Variants in MIPOL1 observed in about 807,000 individuals in gnomAD.
The protein encoded by MIPOL1 is mirror-image polydactyly gene 1 protein.
Under a neutral mutation model 60.9 loss-of-function variants are expected in MIPOL1, and 57 were observed. The ratio of observed to expected loss-of-function variants is 0.94; its 90% CI spans 0.76 to 1.17. MIPOL1 has a LOEUF of 1.17. MIPOL1 is among the 50% of genes most tolerant of loss of function. The pLI is 0.00. For missense variants in MIPOL1, 551 were observed against 511.6 expected (o/e 1.08, Z -0.74); for synonymous variants, 179 against 168.8 (o/e 1.06, Z -0.47).
chr14:37,545,938 T>C (rs1367365307), intron 12 of MIPOL1: 1 of 298,612 alleles, frequency 3.3e-6, no homozygotes, highest in African/African-American at 2.1e-5. Flanking sequence ...ATTGTGTATA[T>C]GAAAACTGCT....
At chr14:37,220,477 T>C (rs1968561270) in intron 1 of MIPOL1, among the ~76,000 whole-genome samples, 2 of 152,220 alleles carry the variant, frequency 1.3e-5, no homozygotes, top group African/African-American at 2.4e-5. Flanking sequence ...GTCAAACAGC[T>C]TATTGCCAGC....
At chr14:37,256,700 T>A (rs1031561476) in intron 3 of MIPOL1, among the ~76,000 whole-genome samples, 9 of 151,760 alleles carry the variant, frequency 5.9e-5, no homozygotes, top group African/African-American at 2.2e-4. Context: ...ACAAAAAATT[T>A]TTTTCGTTAA....
chr14:37,512,706 A>G (rs901081841), intron 12 of MIPOL1, among the ~76,000 whole-genome samples: 1 of 152,028 alleles, frequency 6.6e-6, no homozygotes, highest in Non-Finnish European at 1.5e-5. Context: ...GTTGGACTGT[A>G]AGTGTCAAGG....
chr14:37,552,305 AATT>A (rs1214182777), downstream of MIPOL1: 2 of 152,200 alleles, frequency 1.3e-5, no homozygotes, highest in African/African-American at 4.8e-5. Context: ...TTAAAAAGTC[AATT>A]ATGTTTAAGA....
At chr14:37,245,981 G>C (rs1314901729) in intron 1 of MIPOL1, among the ~76,000 whole-genome samples, 1 of 152,074 alleles carries the variant, frequency 6.6e-6, no homozygotes, top group African/African-American at 2.4e-5. Context: ...GCATTTTTGT[G>C]TAGTACTTGT....
At chr14:37,358,558 G>A (rs143445116) in intron 9 of MIPOL1, among the ~76,000 whole-genome samples, 93 of 152,244 alleles carry the variant, frequency 6.1e-4, no homozygotes, top group African/African-American at 2.2e-3. Context: ...ATCTCATTGT[G>A]GTTTTGATTT....
chr14:37,271,185 TA>T lies in MIPOL1; in HGVS notation c.493+661del, dbSNP rs2083277384. ...ATAGATACAATGAAATGATTCACAATAGTCTATGATCTCCATCTGTGTATGC... is the reference window on the plus strand; with the variant it reads ...ATAGATACAATGAAATGATTCACAATGTCTATGATCTCCATCTGTGTATGC... On this transcript the variant is annotated intron_variant, in intron 6 of 12. Coordinates refer to ENST00000684589, the MANE Select transcript of MIPOL1 (RefSeq NM_001388067.1). Among the ~76,000 whole-genome samples, 6 of 152,198 alleles carry T rather than the reference TA, an allele frequency of 3.9e-5. No individual in the cohort carries two copies. In the East Asian group the frequency reaches 1.2e-3, roughly 29 times the overall value.
chr14:37,520,784 C>T (rs1399608728), intron 12 of MIPOL1, among the ~76,000 whole-genome samples: 1 of 151,812 alleles, frequency 6.6e-6, no homozygotes, highest in Non-Finnish European at 1.5e-5. Flanking sequence ...TAAGAAAAAT[C>T]ACAATTTGTT....
chr14:37,408,696 G>A (rs781207743), intron 10 of MIPOL1, among the ~76,000 whole-genome samples: 8 of 152,136 alleles, frequency 5.3e-5, no homozygotes, highest in Non-Finnish European at 1.0e-4. Context: ...TCTACCAAAT[G>A]TGAGAATTAT....
chr14:37,418,477 A>C (rs533869654), intron 10 of MIPOL1, among the ~76,000 whole-genome samples: 14 of 152,186 alleles, frequency 9.2e-5, no homozygotes, highest in Middle Eastern at 3.4e-3. Flanking sequence ...AATAAAATAC[A>C]CTCTGATTAT....
chr14:37,486,166 C>A (rs1203903248), intron 11 of MIPOL1, among the ~76,000 whole-genome samples: 1 of 151,434 alleles, frequency 6.6e-6, no homozygotes, highest in East Asian at 1.9e-4. Flanking sequence ...ATTTCTGAGG[C>A]CTCTGTTTGT....
At chr14:37,306,953 C>T (rs2086834022) in intron 7 of MIPOL1, among the ~76,000 whole-genome samples, 1 of 151,728 alleles carries the variant, frequency 6.6e-6, no homozygotes, top group African/African-American at 2.4e-5. Flanking sequence ...TTCCTGTTAA[C>T]TGATACTATT....
chr14:37,475,226 A>C (rs1566671440), intron 11 of MIPOL1, among the ~76,000 whole-genome samples: 1 of 152,032 alleles, frequency 6.6e-6, no homozygotes, highest in African/African-American at 2.4e-5. Context: ...CTGCCTCCCA[A>C]AGTGCTGGGA....
At chr14:37,288,254 A>G (rs776056545) in intron 7 of MIPOL1, among the ~76,000 whole-genome samples, 1 of 151,880 alleles carries the variant, frequency 6.6e-6, no homozygotes, top group Admixed American at 6.6e-5. Flanking sequence ...CAATCTGCCC[A>G]CCTTGACCCC....
chr14:37,286,014 A>C (rs1054894460), intron 7 of MIPOL1, among the ~76,000 whole-genome samples: 1 of 152,196 alleles, frequency 6.6e-6, no homozygotes, highest in Non-Finnish European at 1.5e-5. Context: ...TTATTTCTTC[A>C]TAGTTTTGTT....
chr14:37,493,299 A>G (rs1408352200), intron 11 of MIPOL1, among the ~76,000 whole-genome samples: 3 of 152,218 alleles, frequency 2.0e-5, no homozygotes, highest in African/African-American at 7.2e-5. Context: ...AGTTGAAGAG[A>G]ATATAAATAT....
intron 1 of MIPOL1, among the ~76,000 whole-genome samples, chr14:37,236,529 C>T (rs1228789922): frequency 1.3e-5 from 2 of 151,834 alleles, no homozygotes; most frequent in South Asian, 2.1e-4. Context: ...CTCTGCCTCC[C>T]GGGTTCAAGC....
At chr14:37,465,927 G>A (rs757339548) in intron 11 of MIPOL1, among the ~76,000 whole-genome samples, 1 of 152,024 alleles carries the variant, frequency 6.6e-6, no homozygotes, top group Non-Finnish European at 1.5e-5. Context: ...TTAAATCTTA[G>A]GATATTTGTT....
At chr14:37,276,536 T>TA (rs1381602917) in intron 6 of MIPOL1, 2 of 151,172 alleles carry the variant, frequency 1.3e-5, no homozygotes, top group African/African-American at 2.4e-5. Flanking sequence ...TATTCTCTTG[T>TA]AAAAAGATTA....
Sources: gnomAD v4.1 joint callset for allele counts (sites outside exome capture counted in the v4.1 genomes callset) on GRCh38, gnomAD v4.1.1 for gene constraint, MANE v1.5 for transcripts, NCBI Gene and HGNC (gene_info 2026-07-23, HGNC 2026-07-21) for gene names.